The following DENND6A variants were observed in gnomAD, a reference collection of about 807,000 sequenced individuals.
DENND6A encodes DENN domain containing 6A.
A neutral mutation model predicts 95.5 loss-of-function variants in DENND6A; 43 were observed. The observed-to-expected ratio is 0.45, with a 90% CI of 0.35 to 0.58. The LOEUF (loss-of-function observed/expected upper bound fraction) is 0.58. Ranked by LOEUF, DENND6A falls within the 20% of genes least tolerant of loss-of-function variation. The pLI, the probability that DENND6A is intolerant of heterozygous loss-of-function variation, is 0.00. For missense variants in DENND6A, 574 were observed against 736.0 expected, an observed-to-expected ratio of 0.78 and a Z score of 2.55; for synonymous variants, 257 against 260.4, an observed-to-expected ratio of 0.99 and a Z score of 0.13.
chr3:57,692,482 T>C (rs1159191952), intron 1 of DENND6A, among the ~76,000 whole-genome samples: 2 of 152,222 alleles, frequency 1.3e-5, no homozygotes, highest in South Asian at 2.1e-4. Flanking sequence ...TGGGTGCTAC[T>C]AACCCTTTTA....
At chr3:57,642,687 G>A (rs561218524) in intron 11 of DENND6A, among the ~76,000 whole-genome samples, 1 of 151,964 alleles carries the variant, frequency 6.6e-6, no homozygotes, top group African/African-American at 2.4e-5. Flanking sequence ...GAGGAATGCC[G>A]CATGAAAGAA....
Position 57,634,693 on chromosome 3 carries a change from A to G in DENND6A, c.1198+11T>C. 1.3e-6 allele frequency: 2 copies of G among 1,531,130 alleles called. No homozygotes were observed. The highest frequency in any genetic ancestry group is 8.8e-7 in the Non-Finnish European group (1 of 1,139,448). 94.8% of individuals were successfully genotyped at this position (1,531,130 alleles called of 1,614,324 possible). A position where few individuals can be genotyped will look rare whatever the true frequency, so the allele number is the denominator to read the frequency against. On this transcript the variant is annotated intron_variant, in intron 13 of 19. Coordinates refer to ENST00000311128, the MANE Select transcript of DENND6A (RefSeq NM_152678.3). The stretch of plus-strand genomic sequence containing the variant: ...ATAAATATATATTTAAAAATCAATA[A>G]AAGTCAATACCAGGTTTGGAATCCA...
chr3:57,630,385 G>A (rs940111797), intron 18 of DENND6A, 36 bp downstream of exon 18: 5 of 1,510,342 alleles, frequency 3.3e-6, no homozygotes, highest in Admixed American at 4.6e-5. Context: ...ATTTTCAACA[G>A]TTGTTAATCA....
At chr3:57,652,381 G>C (rs955268837) in intron 9 of DENND6A, among the ~76,000 whole-genome samples, 2 of 152,094 alleles carry the variant, frequency 1.3e-5, no homozygotes, top group African/African-American at 4.8e-5. Context: ...CAAGCTGTGC[G>C]AGTAAGCCTT....
intron 1 of DENND6A, among the ~76,000 whole-genome samples, chr3:57,678,276 TC>T (rs1481004022): frequency 6.6e-6 from 1 of 152,182 alleles, no homozygotes; most frequent in Non-Finnish European, 1.5e-5. Context: ...TAGGAGATTC[TC>T]CCAGCACATA....
rs898745288 is a variant in DENND6A, at chr3:57,639,283, A to G, written c.1132+2370T>C. Reference sequence around the variant, plus strand: ...AACATCAAATGTTGGCAGAGATGTTAAGAAATAGGAACCCTCATACATTGC... The same window carrying G: ...AACATCAAATGTTGGCAGAGATGTTGAGAAATAGGAACCCTCATACATTGC... On this transcript the variant is annotated intron_variant, in intron 12 of 19. Coordinates refer to ENST00000311128, the MANE Select transcript of DENND6A (RefSeq NM_152678.3). 2.0e-5 allele frequency among the ~76,000 whole-genome samples: 3 copies of G among 152,238 alleles called. 1 individual carries two copies. The South Asian group carries it at 6.2e-4, about 31-fold the overall frequency.
At chr3:57,663,745 G>C (rs1239465430) in intron 4 of DENND6A, 29 bp from the exon 5 acceptor site, 2 of 1,377,072 alleles carry the variant, frequency 1.5e-6, no homozygotes, top group Non-Finnish European at 2.0e-6. Context: ...GTAAGTGTGT[G>C]TGGGGGGGTA....
chr3:57,691,669 C>CAAAAAAAAAAAAAAAAAA (rs71091304), intron 1 of DENND6A, among the ~76,000 whole-genome samples: 1 of 93,596 alleles, frequency 1.1e-5, no homozygotes, highest in African/African-American at 4.4e-5. Context: ...TCACCAATAC[C>CAAAAAAAAAAAAAAAAAA]AAAAAAAAAA....
In DENND6A at chr3:57,649,370, A is replaced by T. The variant is rs2071145437; in HGVS notation, c.819-2932T>A. On this transcript the variant is annotated intron_variant, in intron 9 of 19. Coordinates refer to ENST00000311128, the MANE Select transcript of DENND6A (RefSeq NM_152678.3). ...CAAAAAATAATAAATGTTGGTGTGG[A>T]TGTGGTGAAAAGGGAATACTTTTAC... Among the ~76,000 whole-genome samples, 9 of 152,280 alleles carry T rather than the reference A, an allele frequency of 5.9e-5. No individual in the cohort carries two copies. In the South Asian group the frequency reaches 1.9e-3, roughly 32 times the overall value.
chr3:57,657,549 T>C (rs1332264122), intron 9 of DENND6A, 131 bp downstream of exon 9: 2 of 600,812 alleles, frequency 3.3e-6, no homozygotes, highest in African/African-American at 1.9e-5. Context: ...ACCATTGATT[T>C]ATAACATGTA....
intron 1 of DENND6A, 68 bp downstream of exon 1, chr3:57,692,714 C>T (rs2077281137): frequency 1.6e-5 from 21 of 1,343,114 alleles, no homozygotes; most frequent in Middle Eastern, 4.7e-4. Context: ...GCCCGCGGGC[C>T]GCTGGCTTTG....
At chr3:57,631,509 T>A (rs1481314220) in intron 15 of DENND6A, among the ~76,000 whole-genome samples, 1 of 151,980 alleles carries the variant, frequency 6.6e-6, no homozygotes, top group Non-Finnish European at 1.5e-5. Flanking sequence ...GTCCATTTTT[T>A]AACGATAATA....
At chr3:57,635,591 A>C (rs985271735) in intron 12 of DENND6A, among the ~76,000 whole-genome samples, 6 of 152,200 alleles carry the variant, frequency 3.9e-5, no homozygotes, top group Non-Finnish European at 8.8e-5. Context: ...AATATAATTG[A>C]AGCCTCTAAA....
chr3:57,628,692 T>A, intron 19 of DENND6A, 119 bp downstream of exon 19: 1 of 1,045,456 alleles, frequency 9.6e-7, no homozygotes, highest in Non-Finnish European at 1.4e-6. Flanking sequence ...ATTGACCAAT[T>A]TCAAGCCCTC....
intron 5 of DENND6A, 83 bp downstream of exon 5, chr3:57,663,553 T>C: frequency 1.1e-6 from 1 of 909,726 alleles, no homozygotes; most frequent in Non-Finnish European, 1.6e-6. Flanking sequence ...CCAAAGACTT[T>C]AAAGACTCTT....
At chr3:57,690,085 C>T (rs189299589) in intron 1 of DENND6A, among the ~76,000 whole-genome samples, 2 of 151,042 alleles carry the variant, frequency 1.3e-5, no homozygotes, top group East Asian at 1.9e-4. Flanking sequence ...TGGCTCACGC[C>T]TGTAATCCCA....
chr3:57,679,936 G>C (rs2077148139), intron 1 of DENND6A, among the ~76,000 whole-genome samples: 1 of 152,070 alleles, frequency 6.6e-6, no homozygotes, highest in Admixed American at 6.6e-5. Context: ...GATGGTACAG[G>C]GTGCTGAGCA....
intron 8 of DENND6A, 92 bp downstream of exon 8, chr3:57,659,026 A>G (rs974825558): frequency 1.7e-6 from 2 of 1,187,812 alleles, no homozygotes; most frequent in African/African-American, 3.1e-5. Context: ...GAAATATGTA[A>G]TAAACTCAAG....
rs1389113204 is a variant in DENND6A, at chr3:57,692,944, C to G, written c.75G>C (p.Glu25Asp). 1 of 1,552,986 alleles carries G rather than the reference C, an allele frequency of 6.4e-7. No individual in the cohort carries two copies. The highest frequency in any genetic ancestry group is 1.4e-5 in the African/African-American group (1 of 71,004). ...RPLDEAVAGA[E>D]GREAPALVAA... is the part of the protein sequence containing the mutation. ...CCACAAGGGCCGGCGCCTCGCGGCC[C>G]TCGGCCCCTGCCACCGCTTCGTCCA... The change falls in exon 1 of 20, where the codon GAG becomes GAC. Residue 25 changes from glutamate to aspartate, a missense_variant. Physicochemically the swap from Glu to Asp is conservative, Grantham distance 45 (BLOSUM62 2). Around this residue, in one of 2 missense-constraint regions of DENND6A, gnomAD observed 122 missense variants for 105.1 expected, o/e 1.16. Transcript: ENST00000311128.
Sources: gnomAD v4.1 joint callset for allele counts (sites outside exome capture counted in the v4.1 genomes callset) on GRCh38, gnomAD v4.1.1 for gene constraint, gnomAD v4.1.1 regional missense constraint, MANE v1.5 for transcripts, NCBI Gene and HGNC (gene_info 2026-07-23, HGNC 2026-07-21) for gene names.